Variants in TRIM36 observed in about 807,000 individuals in gnomAD.
TRIM36 encodes the protein tripartite motif containing 36, also known as E3 ubiquitin-protein ligase TRIM36.
Under a neutral mutation model 72.4 loss-of-function variants are expected in TRIM36, and 42 were observed. That is an observed-to-expected ratio of 0.58 (90% CI 0.45 to 0.75). The LOEUF (loss-of-function observed/expected upper bound fraction) is 0.75, where lower values mean the gene tolerates loss of function less well. Among genes scored for constraint, TRIM36 ranks in the 30% least tolerant of loss-of-function variants. TRIM36 has a pLI of 0.00. For synonymous variants in TRIM36, 315 were observed against 282.8 expected (o/e 1.11, Z -1.14); for missense variants, 913 against 857.1 (o/e 1.07, Z -0.81).
intron 2 of TRIM36, among the ~76,000 whole-genome samples, chr5:115,159,195 T>C (rs1754344418): frequency 1.3e-5 from 2 of 152,182 alleles, no homozygotes; most frequent in Admixed American, 1.3e-4. Flanking sequence ...GAAAAGACTC[T>C]ATATGTATAA....
At chr5:115,153,510 A>AT (rs896844733) in intron 2 of TRIM36, among the ~76,000 whole-genome samples, 6 of 151,606 alleles carry the variant, frequency 4.0e-5, no homozygotes, top group Admixed American at 6.6e-5. Flanking sequence ...GAAACAATGA[A>AT]TTTTTTTTTC....
chr5:115,167,818 T>C (rs1754871787), intron 1 of TRIM36, among the ~76,000 whole-genome samples: 1 of 152,214 alleles, frequency 6.6e-6, no homozygotes, highest in Non-Finnish European at 1.5e-5. Context: ...TTGGTACCAA[T>C]TCTCTGTGTT....
intron 2 of TRIM36, among the ~76,000 whole-genome samples, chr5:115,156,574 T>C (rs1429925661): frequency 6.6e-6 from 1 of 152,104 alleles, no homozygotes; most frequent in African/African-American, 2.4e-5. Context: ...GTAAAGGACA[T>C]CCTTTTCAAG....
At position 115,169,831 on chromosome 5, in the gene TRIM36, G is replaced by A; in HGVS notation, c.-197C>T. On this transcript the variant is annotated 5_prime_UTR_variant, in exon 1 of 10. Transcript: ENST00000513154. ...GGCAGGCAAAAGCACAGGCGCGGGA[G>A]AAGCGAGCTTTGCTCCCAGCGACTA... The A allele has an allele frequency of 7.6e-7, 1 of 1,323,532 alleles. No homozygotes were observed. Among genetic ancestry groups the A allele is most frequent in the Non-Finnish European group, 9.7e-7 (1 of 1,033,670 alleles). The allele number at this position is 1,323,532 out of a possible 1,614,324, so 82.0% of individuals were successfully genotyped here. A position where few individuals can be genotyped will look rare whatever the true frequency, so the allele number is the denominator to read the frequency against.
In TRIM36 at chr5:115,130,610, C is replaced by A. The variant is rs755557677; in HGVS notation, c.1778G>T (p.Arg593Leu). The A allele has an allele frequency of 6.2e-7, 1 of 1,613,762 alleles. No homozygotes were observed. The highest frequency in any genetic ancestry group is 8.5e-7 in the Non-Finnish European group (1 of 1,179,882). Residue 593 changes from arginine to leucine, a missense_variant, in exon 9 of 10, where the codon CGG becomes CTG. Physicochemically the swap from Arg to Leu is moderately radical, Grantham distance 102. Coordinates refer to ENST00000513154, the MANE Select transcript of TRIM36 (RefSeq NM_001300759.2). ...DKLQEWLRSP[R>L]DAVSPRYEQD... ...AACCTACCTTGGACTAACTGCATCC[C>A]GGGGAGAACGGAGCCATTCTTGTAG...
intron 4 of TRIM36, among the ~76,000 whole-genome samples, chr5:115,142,837 G>C (rs1481260872): frequency 1.3e-5 from 2 of 152,086 alleles, no homozygotes; most frequent in Non-Finnish European, 2.9e-5. Context: ...AGTTCTTTAG[G>C]AACTAATCAG....
intron 2 of TRIM36, 38 bp downstream of exon 2, chr5:115,163,480 C>T: frequency 1.3e-6 from 2 of 1,551,460 alleles, no homozygotes; most frequent in Non-Finnish European, 1.8e-6. Flanking sequence ...TATAAGCTTA[C>T]CCCCACTACC....
chr5:115,124,993 T>G lies in TRIM36; in HGVS notation c.*1510A>C, dbSNP rs1419520136. 1.3e-5 allele frequency: 2 copies of G among 152,488 alleles called. No individual in the cohort carries two copies. Among genetic ancestry groups the G allele is most frequent in the Non-Finnish European group, 2.9e-5 (2 of 67,936 alleles). 9.4% of individuals were successfully genotyped at this position (152,488 alleles called of 1,614,324 possible). On this transcript the variant is annotated 3_prime_UTR_variant, in exon 10 of 10. Transcript: ENST00000513154. ...TATTTGCTTAGTTTAGCCTACATCATAAAGTGCTATTCATAGATGGGAAAT... is the reference window on the plus strand; with the variant it reads ...TATTTGCTTAGTTTAGCCTACATCAGAAAGTGCTATTCATAGATGGGAAAT...
chr5:115,172,566 C>A (rs539599826), upstream of TRIM36, among the ~76,000 whole-genome samples: 1 of 151,986 alleles, frequency 6.6e-6, no homozygotes, highest in African/African-American at 2.4e-5. Context: ...TGAAACCCCC[C>A]CTTTACTAAA....
At chr5:115,157,077 A>G (rs1754211191) in intron 2 of TRIM36, among the ~76,000 whole-genome samples, 1 of 152,154 alleles carries the variant, frequency 6.6e-6, no homozygotes, top group Non-Finnish European at 1.5e-5. Flanking sequence ...CAGTATTACT[A>G]TATGATCAAG....
chr5:115,143,257 C>G (rs571993516), intron 4 of TRIM36, among the ~76,000 whole-genome samples: 8 of 127,614 alleles, frequency 6.3e-5, no homozygotes, highest in Middle Eastern at 4.8e-3. Flanking sequence ...AAACAAATCT[C>G]TAAATTCACA....
At chr5:115,171,031 T>C, upstream of TRIM36, 2 of 1,604,150 alleles carry the variant, frequency 1.2e-6, no homozygotes, top group Non-Finnish European at 1.7e-6. Context: ...TTCCTATGTA[T>C]TAGGCTTTAA....
chr5:115,130,444 T>G (rs1169543428), intron 9 of TRIM36, 148 bp downstream of exon 9: 2 of 793,302 alleles, frequency 2.5e-6, no homozygotes, highest in African/African-American at 3.5e-5. Flanking sequence ...ATTACAAGAA[T>G]ACCCGGCTCC....
At chr5:115,178,536 G>A (rs1755453184) in intron 1 of TRIM36, among the ~76,000 whole-genome samples, 1 of 152,164 alleles carries the variant, frequency 6.6e-6, no homozygotes, top group African/African-American at 2.4e-5. Context: ...AGAGGGAAGG[G>A]TGGGCCGCAA....
intron 2 of TRIM36, among the ~76,000 whole-genome samples, chr5:115,160,560 G>A (rs1296227702): frequency 6.6e-6 from 1 of 152,174 alleles, no homozygotes; most frequent in Non-Finnish European, 1.5e-5. Context: ...AAACTAGACT[G>A]GGTATAGTGA....
At chr5:115,156,875 C>T (rs1047214406) in intron 2 of TRIM36, among the ~76,000 whole-genome samples, 2 of 152,154 alleles carry the variant, frequency 1.3e-5, no homozygotes, top group Non-Finnish European at 2.9e-5. Flanking sequence ...GCAGAGTAAA[C>T]AGACAACCCA....
chr5:115,130,384 T>A (rs1752610198), intron 9 of TRIM36, among the ~76,000 whole-genome samples: 1 of 152,158 alleles, frequency 6.6e-6, no homozygotes, highest in South Asian at 2.1e-4. Flanking sequence ...CAAAATGGAT[T>A]TCCTCATGAT....
chr5:115,149,808 G>A (rs1561434554), intron 2 of TRIM36, among the ~76,000 whole-genome samples: 1 of 152,028 alleles, frequency 6.6e-6, no homozygotes, highest in Non-Finnish European at 1.5e-5. Context: ...GTCCAGGCTG[G>A]AGTGCAGTGG....
chr5:115,147,879 T>C (rs1382286708), intron 2 of TRIM36, among the ~76,000 whole-genome samples: 1 of 152,214 alleles, frequency 6.6e-6, no homozygotes, highest in Non-Finnish European at 1.5e-5. Context: ...ATGAACTATT[T>C]GAAATTGTGC....
Sources: gnomAD v4.1 joint callset for allele counts (sites outside exome capture counted in the v4.1 genomes callset) on GRCh38, gnomAD v4.1.1 for gene constraint, MANE v1.5 for transcripts, NCBI Gene and HGNC (gene_info 2026-07-23, HGNC 2026-07-21) for gene names.